The following NELL2 variants were observed in gnomAD, a reference collection of about 807,000 sequenced individuals.
NELL2 encodes the protein neural EGFL like 2, also known as protein kinase C-binding protein NELL2.
A neutral mutation model predicts 109.6 loss-of-function variants in NELL2; 41 were observed. The observed-to-expected ratio is 0.37, with a 90% CI of 0.29 to 0.49. NELL2 has a LOEUF of 0.49. NELL2 is among the 20% of genes least tolerant of loss of function. The pLI, the probability that NELL2 is intolerant of heterozygous loss-of-function variation, is 0.98. For missense variants in NELL2, 900 were observed against 1,008.3 expected (o/e 0.89, Z 1.45); for synonymous variants, 355 against 344.7 (o/e 1.03, Z -0.33).
chr12:44,528,424 C>T (rs993862081), intron 16 of NELL2, among the ~76,000 whole-genome samples: 9 of 152,050 alleles, frequency 5.9e-5, no homozygotes, highest in African/African-American at 2.2e-4. Context: ...TATGTTTTAT[C>T]CTGATCATTA....
At chr12:44,613,019 C>T (rs1302364758) in intron 13 of NELL2, among the ~76,000 whole-genome samples, 2 of 151,996 alleles carry the variant, frequency 1.3e-5, no homozygotes, top group African/African-American at 2.4e-5. Context: ...AAATACAGTT[C>T]TGAAGGCTTT....
chr12:44,741,750 T>G (rs1939981742), intron 9 of NELL2, among the ~76,000 whole-genome samples: 1 of 151,978 alleles, frequency 6.6e-6, no homozygotes, highest in South Asian at 2.1e-4. Context: ...GCAGCGAGGC[T>G]GGGGGAGGGG....
In NELL2 at chr12:44,687,293, G is replaced by A. The variant is rs571453099; in HGVS notation, c.1318+16433C>T. 5.3e-5 allele frequency among the ~76,000 whole-genome samples: 8 copies of A among 152,254 alleles called. No homozygotes were observed. The South Asian group carries it at 1.7e-3, about 32-fold the overall frequency. On this transcript the variant is annotated intron_variant, in intron 12 of 19. Coordinates refer to ENST00000429094, the MANE Select transcript of NELL2 (RefSeq NM_001145108.2). The stretch of plus-strand genomic sequence containing the variant: ...CCATGGTGCGCGCACCCACTGACCT[G>A]CGCCCACTGTCTGGCACTCCCTAGT...
At chr12:44,742,009 C>G (rs560653483) in intron 9 of NELL2, among the ~76,000 whole-genome samples, 8 of 152,194 alleles carry the variant, frequency 5.3e-5, no homozygotes, top group Non-Finnish European at 1.2e-4. Flanking sequence ...GGCAGACTGC[C>G]TCCTCAAGTG....
intron 15 of NELL2, among the ~76,000 whole-genome samples, chr12:44,543,437 T>C (rs1003719964): frequency 1.3e-5 from 2 of 152,186 alleles, no homozygotes; most frequent in East Asian, 1.9e-4. Context: ...TTCTGAATCA[T>C]AGCAGTCAGA....
At chr12:44,681,287 T>C (rs1382197893) in intron 12 of NELL2, among the ~76,000 whole-genome samples, 1 of 150,400 alleles carries the variant, frequency 6.6e-6, no homozygotes, top group Non-Finnish European at 1.5e-5. Flanking sequence ...TTGTTTTTTT[T>C]TTAACGTTGA....
At chr12:44,736,323 A>T (rs927504690) in intron 9 of NELL2, among the ~76,000 whole-genome samples, 27 of 152,054 alleles carry the variant, frequency 1.8e-4, no homozygotes, top group Non-Finnish European at 3.5e-4. Context: ...TTATTTTTTT[A>T]AAAAAAGCAT....
intron 9 of NELL2, among the ~76,000 whole-genome samples, chr12:44,750,461 A>G (rs751724779): frequency 6.6e-6 from 1 of 152,180 alleles, no homozygotes; most frequent in Non-Finnish European, 1.5e-5. Flanking sequence ...CAGCCATATT[A>G]TGTAAAGCAA....
chr12:44,651,035 A>G (rs562818152), intron 13 of NELL2, among the ~76,000 whole-genome samples: 1 of 152,348 alleles, frequency 6.6e-6, no homozygotes, highest in East Asian at 1.9e-4. Context: ...CAGCAGGTGA[A>G]CAAGCATTAC....
chr12:44,726,696 T>A (rs1939099726), intron 9 of NELL2, among the ~76,000 whole-genome samples: 1 of 152,178 alleles, frequency 6.6e-6, no homozygotes. Context: ...TTACCGTGTT[T>A]AAAATAAATT....
chr12:44,682,922 G>A (rs993333492), intron 12 of NELL2, among the ~76,000 whole-genome samples: 1 of 152,112 alleles, frequency 6.6e-6, no homozygotes, highest in African/African-American at 2.4e-5. Flanking sequence ...GGTTCCATAT[G>A]AACTTTAAAG....
chr12:44,713,739 C>G (rs1187716302), intron 10 of NELL2, among the ~76,000 whole-genome samples: 2 of 151,868 alleles, frequency 1.3e-5, no homozygotes, highest in Non-Finnish European at 2.9e-5. Context: ...AATTAAGATG[C>G]ATAAACTGGA....
chr12:44,814,630 A>C (rs7964061), intron 3 of NELL2, among the ~76,000 whole-genome samples: 2,242 of 152,224 alleles, frequency 0.015, 64 homozygotes, highest in African/African-American at 0.051. Flanking sequence ...CCCCTCAAAA[A>C]CAGGCCAGAA....
intron 1 of NELL2, among the ~76,000 whole-genome samples, chr12:44,919,299 C>A (rs1039669): frequency 0.15 from 22,057 of 151,728 alleles, 1,796 homozygotes; most frequent in East Asian, 0.22. Context: ...TGGTGCTCAG[C>A]ATGTAGTAAA....
At chr12:44,654,580 A>G (rs1947424746) in intron 13 of NELL2, among the ~76,000 whole-genome samples, 2 of 152,164 alleles carry the variant, frequency 1.3e-5, no homozygotes, top group Admixed American at 1.3e-4. Flanking sequence ...GAATGCAGCT[A>G]TTCCACAACC....
In NELL2 at chr12:44,664,241, A is replaced by G. The variant is rs74079115; in HGVS notation, c.1444+1243T>C. Among the ~76,000 whole-genome samples the G allele has an allele frequency of 4.5e-3, 688 of 152,210 alleles. 8 individuals carry two copies. Among genetic ancestry groups the G allele is most frequent in the African/African-American group, 0.016 (651 of 41,554 alleles). ...TTAAATTTTGTCTAAAAAAATGAAG[A>G]ATTGTTTCCATAATTAGGAAATGTT... On this transcript the variant is annotated intron_variant, in intron 13 of 19. Transcript: ENST00000429094.
At chr12:44,726,410 G>A (rs1939085330) in intron 9 of NELL2, among the ~76,000 whole-genome samples, 1 of 151,948 alleles carries the variant, frequency 6.6e-6, no homozygotes, top group Non-Finnish European at 1.5e-5. Context: ...GTGATGCAAT[G>A]GGCTTCGCTT....
rs1461251438 is a variant in NELL2, at chr12:44,848,094, A to G, written c.184+27131T>C. On this transcript the variant is annotated intron_variant, in intron 2 of 19. Coordinates refer to ENST00000429094, the MANE Select transcript of NELL2 (RefSeq NM_001145108.2). ...CACTTCCTGTTGACTCAGGAAGATG[A>G]TGGCTGTGGGGGCTGCAGTGTATAA... is the stretch of plus-strand genomic sequence containing the variant. 2.6e-5 allele frequency among the ~76,000 whole-genome samples: 4 copies of G among 151,628 alleles called. No homozygotes were observed. The East Asian group carries it at 5.8e-4, about 22-fold the overall frequency.
chr12:44,570,767 T>C (rs930996534), intron 15 of NELL2, among the ~76,000 whole-genome samples: 3 of 152,204 alleles, frequency 2.0e-5, no homozygotes, highest in African/African-American at 7.2e-5. Flanking sequence ...GAAACTTAAA[T>C]CGCTTTATTT....
Sources: allele counts gnomAD v4.1 joint callset (sites outside exome capture counted in the v4.1 genomes callset), GRCh38; gene constraint gnomAD v4.1.1; transcripts MANE v1.5; gene names NCBI Gene and HGNC (gene_info 2026-07-23, HGNC 2026-07-21).